Variants in QNG1 observed in about 807,000 individuals in gnomAD.
QNG1 encodes Q-nucleotide N-glycosylase 1.
chr9:83,949,964 T>C, the QNG1 span, among the ~76,000 whole-genome samples: 2 of 150,118 alleles, frequency 1.3e-5, no homozygotes, highest in Non-Finnish European at 3.0e-5. Flanking sequence ...ATAATAGATA[T>C]AATAATATAT....
chr9:83,952,555 G>A, the QNG1 span, among the ~76,000 whole-genome samples: 8 of 152,080 alleles, frequency 5.3e-5, no homozygotes, highest in African/African-American at 1.7e-4. Flanking sequence ...CAGCACTTTT[G>A]AGGCTGAGGC....
chr9:83,938,510 A>G, the QNG1 span: 1 of 152,138 alleles, frequency 6.6e-6, no homozygotes, highest in Non-Finnish European at 1.5e-5. Context: ...TTTTTATACC[A>G]AATGATTAAG....
the QNG1 span, among the ~76,000 whole-genome samples, chr9:83,940,203 A>G: frequency 6.6e-6 from 1 of 152,264 alleles, no homozygotes; most frequent in South Asian, 2.1e-4. Flanking sequence ...TCAGGAGTTC[A>G]AGACCAGCCT....
chr9:83,950,206 C>T, the QNG1 span, among the ~76,000 whole-genome samples: 3 of 151,906 alleles, frequency 2.0e-5, no homozygotes, highest in South Asian at 2.1e-4. Flanking sequence ...GGCGCCAACA[C>T]GCCTGGCTAA....
chr9:83,948,460 C>T, the QNG1 span, among the ~76,000 whole-genome samples: 59 of 142,040 alleles, frequency 4.2e-4, no homozygotes, highest in South Asian at 6.7e-4. Flanking sequence ...CCAGCCGCCC[C>T]GTCGGGGAGG....
the QNG1 span, among the ~76,000 whole-genome samples, chr9:83,952,233 C>G: frequency 2.0e-5 from 3 of 152,186 alleles, no homozygotes; most frequent in Non-Finnish European, 4.4e-5. Flanking sequence ...ATCCTCTTAC[C>G]TCAGCCACCC....
the QNG1 span, among the ~76,000 whole-genome samples, chr9:83,946,204 C>A: frequency 6.6e-6 from 1 of 151,760 alleles, no homozygotes; most frequent in Non-Finnish European, 1.5e-5. Flanking sequence ...ACTCAGGAGG[C>A]TGAGGTAGAA....
At chr9:83,945,098 T>A in the QNG1 span, 215 of 895,734 alleles carry the variant, frequency 2.4e-4, 2 homozygotes, top group South Asian at 3.3e-3. Flanking sequence ...ATAATCTTAC[T>A]TTGTTGGTAA....
At chr9:83,946,002 T>G in the QNG1 span, among the ~76,000 whole-genome samples, 2 of 152,056 alleles carry the variant, frequency 1.3e-5, no homozygotes, top group Admixed American at 6.6e-5. Context: ...TCACATTAAT[T>G]GTATAATATA....
the QNG1 span, among the ~76,000 whole-genome samples, chr9:83,941,851 T>C: frequency 1.3e-5 from 2 of 151,264 alleles, no homozygotes; most frequent in African/African-American, 4.9e-5. Flanking sequence ...AGAAGGAGGT[T>C]GCAGTGAGCT....
chr9:83,955,123 C>T, the QNG1 span, among the ~76,000 whole-genome samples: 1 of 151,964 alleles, frequency 6.6e-6, no homozygotes, highest in Admixed American at 6.6e-5. Flanking sequence ...CGCTTGAACC[C>T]GGGAGGCAGA....
At chr9:83,955,387 C>A in the QNG1 span, 21 of 1,612,892 alleles carry the variant, frequency 1.3e-5, no homozygotes, top group Admixed American at 5.0e-5. Flanking sequence ...TCACCTCAAA[C>A]AGAGTCACAT....
chr9:83,939,635 C>G, the QNG1 span: 2 of 1,614,026 alleles, frequency 1.2e-6, no homozygotes, highest in Non-Finnish European at 8.5e-7. Context: ...AGGTTTTTCA[C>G]CCTTTTGTTC....
chr9:83,947,610 C>T, the QNG1 span, among the ~76,000 whole-genome samples: 1 of 152,240 alleles, frequency 6.6e-6, no homozygotes, highest in Non-Finnish European at 1.5e-5. Flanking sequence ...CTGCAACCTC[C>T]CTGCCTGATT....
At chr9:83,939,422 A>C in the QNG1 span, 3 of 870,378 alleles carry the variant, frequency 3.4e-6, no homozygotes, top group South Asian at 4.8e-5. Flanking sequence ...TATAACCTCG[A>C]TCATGTTCTC....
the QNG1 span, among the ~76,000 whole-genome samples, chr9:83,946,483 T>G: frequency 1.3e-5 from 2 of 152,228 alleles, no homozygotes; most frequent in East Asian, 3.8e-4. Context: ...TTACCAATTT[T>G]GGAAATGCTC....
the QNG1 span, among the ~76,000 whole-genome samples, chr9:83,948,169 C>G: frequency 2.6e-5 from 4 of 151,334 alleles, no homozygotes; most frequent in Middle Eastern, 7.0e-3. Flanking sequence ...GCCGCGACCC[C>G]GTCTGGGAAC....
chr9:83,948,475 T>TG, the QNG1 span, among the ~76,000 whole-genome samples: 560 of 131,462 alleles, frequency 4.3e-3, 2 homozygotes, highest in African/African-American at 0.015. Flanking sequence ...GGGAGGGAGG[T>TG]GGGGGGCGCC....
chr9:83,940,655 G>C, the QNG1 span, among the ~76,000 whole-genome samples: 1 of 152,098 alleles, frequency 6.6e-6, no homozygotes, highest in Non-Finnish European at 1.5e-5. Context: ...AGAGAAGTCA[G>C]GAAGTTTGAT....
Sources: allele counts gnomAD v4.1 joint callset (sites outside exome capture counted in the v4.1 genomes callset), GRCh38; gene constraint gnomAD v4.1.1; transcripts MANE v1.5; gene names NCBI Gene and HGNC (gene_info 2026-07-23, HGNC 2026-07-21).